COMMD10: variants seen among roughly 807,000 people sequenced by gnomAD.
COMMD10 encodes COMM domain-containing protein 10.
COMMD10 carries 33 observed loss-of-function variants against 28.9 expected under a neutral mutation model. The ratio of observed to expected loss-of-function variants is 1.14; its 90% CI spans 0.87 to 1.53. The LOEUF is 1.53. Among genes scored for constraint, COMMD10 ranks in the 40% most tolerant of loss-of-function variants. COMMD10 has a pLI of 0.00. For missense variants in COMMD10, 310 were observed against 233.4 expected (o/e 1.33, Z -2.14); for synonymous variants, 110 against 81.7 (o/e 1.35, Z -1.87).
chr5:116,165,182 G>C (rs6883424), intron 5 of COMMD10, among the ~76,000 whole-genome samples: 47,475 of 152,060 alleles, frequency 0.31, 10,310 homozygotes, highest in African/African-American at 0.62. Flanking sequence ...AGAAAAGTCT[G>C]AATTATCTGG....
At chr5:116,260,029 A>T (rs1039963313) in intron 5 of COMMD10, among the ~76,000 whole-genome samples, 13 of 151,724 alleles carry the variant, frequency 8.6e-5, no homozygotes, top group Non-Finnish European at 1.8e-4. Context: ...CTGCAGTGGT[A>T]TTATTTTCCT....
At chr5:116,228,230 A>C (rs568025704) in intron 5 of COMMD10, among the ~76,000 whole-genome samples, 11 of 152,112 alleles carry the variant, frequency 7.2e-5, no homozygotes, top group African/African-American at 2.4e-4. Context: ...TTGAAAAATA[A>C]ACTTCTAATT....
intron 5 of COMMD10, among the ~76,000 whole-genome samples, chr5:116,246,154 G>GT (rs1491588465): frequency 6.6e-6 from 1 of 151,914 alleles, no homozygotes; most frequent in Non-Finnish European, 1.5e-5. Context: ...TACAACATGA[G>GT]TGTGCAAAAA....
intron 5 of COMMD10, among the ~76,000 whole-genome samples, chr5:116,264,528 A>G (rs1750532350): frequency 6.6e-6 from 1 of 151,792 alleles, no homozygotes. Flanking sequence ...CTGTTATTGG[A>G]TGATGCGAGC....
At chr5:116,291,342 GTTA>G (rs1751354901) in intron 5 of COMMD10, among the ~76,000 whole-genome samples, 172 bp from the exon 6 acceptor site, 1 of 152,150 alleles carries the variant, frequency 6.6e-6, no homozygotes, top group Non-Finnish European at 1.5e-5. Context: ...TTGCTAGAGT[GTTA>G]TTAAGTGCAT....
At chr5:116,127,268 A>G (rs1167909258) in intron 4 of COMMD10, among the ~76,000 whole-genome samples, 3 of 152,328 alleles carry the variant, frequency 2.0e-5, no homozygotes, top group African/African-American at 7.2e-5. Context: ...TTAAAAAGTC[A>G]GGAAACAACA....
chr5:116,164,867 G>A (rs912019748), intron 5 of COMMD10, among the ~76,000 whole-genome samples: 5 of 152,102 alleles, frequency 3.3e-5, no homozygotes, highest in Non-Finnish European at 7.4e-5. Flanking sequence ...TGTGCCCTTG[G>A]CAAGGAGGAT....
At chr5:116,106,225 C>G (rs115405790) in intron 4 of COMMD10, among the ~76,000 whole-genome samples, 1 of 151,770 alleles carries the variant, frequency 6.6e-6, no homozygotes, top group Non-Finnish European at 1.5e-5. Flanking sequence ...TTTATTTTTG[C>G]TTTTATTTCG....
At chr5:116,279,038 C>G (rs934772334) in intron 5 of COMMD10, among the ~76,000 whole-genome samples, 2 of 151,708 alleles carry the variant, frequency 1.3e-5, no homozygotes, top group African/African-American at 4.9e-5. Context: ...ACTAAAAGAT[C>G]TAGCTAAATG....
chr5:116,232,943 T>A (rs1043019496), intron 5 of COMMD10, among the ~76,000 whole-genome samples: 1 of 152,172 alleles, frequency 6.6e-6, no homozygotes, highest in African/African-American at 2.4e-5. Context: ...GCAGTCTGAT[T>A]GTAATTCTAT....
chr5:116,280,660 A>C (rs1751045753), intron 5 of COMMD10, among the ~76,000 whole-genome samples: 1 of 151,868 alleles, frequency 6.6e-6, no homozygotes, highest in Admixed American at 6.6e-5. Context: ...AATGACTAAC[A>C]GTTGTAAATG....
At chr5:116,131,105 C>T (rs950221262) in intron 4 of COMMD10, among the ~76,000 whole-genome samples, 2 of 151,724 alleles carry the variant, frequency 1.3e-5, no homozygotes, top group Non-Finnish European at 2.9e-5. Flanking sequence ...AAGGAGGTGC[C>T]ACTAACTCAA....
chr5:116,184,206 T>C (rs890376498), intron 5 of COMMD10, among the ~76,000 whole-genome samples: 2 of 126,740 alleles, frequency 1.6e-5, no homozygotes, highest in African/African-American at 4.9e-5. Flanking sequence ...TATGTGGTTC[T>C]TAGTTCTGTC....
At chr5:116,234,330 C>T (rs1453331115) in intron 5 of COMMD10, among the ~76,000 whole-genome samples, 3 of 152,162 alleles carry the variant, frequency 2.0e-5, no homozygotes, top group Non-Finnish European at 4.4e-5. Flanking sequence ...ACTCTTAAAT[C>T]TGGCAATCGA....
intron 4 of COMMD10, among the ~76,000 whole-genome samples, chr5:116,095,217 G>T (rs992599345): frequency 6.6e-6 from 1 of 152,090 alleles, no homozygotes; most frequent in Non-Finnish European, 1.5e-5. Context: ...GCTCAGGGTG[G>T]TGAATATCTT....
intron 5 of COMMD10, among the ~76,000 whole-genome samples, chr5:116,183,081 G>A (rs1189597432): frequency 1.3e-5 from 2 of 152,070 alleles, no homozygotes; most frequent in African/African-American, 2.4e-5. Context: ...AAATTACCCA[G>A]TCTTCGGTAT....
intron 5 of COMMD10, among the ~76,000 whole-genome samples, chr5:116,147,003 A>G (rs1463058782): frequency 6.6e-6 from 1 of 151,874 alleles, no homozygotes; most frequent in African/African-American, 2.4e-5. Context: ...ATTTAATCAG[A>G]TCCTCGAGTC....
intron 5 of COMMD10, among the ~76,000 whole-genome samples, chr5:116,275,345 C>T (rs546969653): frequency 6.6e-6 from 1 of 151,940 alleles, no homozygotes; most frequent in African/African-American, 2.4e-5. Flanking sequence ...GGAATATCCC[C>T]CATCCTGCTT....
At chr5:116,234,597 G>T (rs1749613891) in intron 5 of COMMD10, among the ~76,000 whole-genome samples, 1 of 152,154 alleles carries the variant, frequency 6.6e-6, no homozygotes, top group Non-Finnish European at 1.5e-5. Context: ...GTAAAATTCA[G>T]TGTTCAAATG....
Sources: gnomAD v4.1 joint callset for allele counts (sites outside exome capture counted in the v4.1 genomes callset) on GRCh38, gnomAD v4.1.1 for gene constraint, MANE v1.5 for transcripts, NCBI Gene and HGNC (gene_info 2026-07-23, HGNC 2026-07-21) for gene names.